Variants in CDH2 observed in about 807,000 individuals in gnomAD.
CDH2 encodes cadherin-2.
A neutral mutation model predicts 92.0 loss-of-function variants in CDH2; 17 were observed. The ratio of observed to expected loss-of-function variants is 0.18; its 90% confidence interval spans 0.13 to 0.28. CDH2 has a LOEUF of 0.28. CDH2 is among the 10% of genes least tolerant of loss of function. The probability of loss-of-function intolerance (pLI) is 1.00; values close to 1 mark genes in which losing one functional copy is unlikely to be tolerated. For missense variants in CDH2, 862 were observed against 1,133.1 expected (o/e 0.76, Z 3.44); for synonymous variants, 419 against 415.9 (o/e 1.01, Z -0.09).
At chr18:28,131,910 G>A (rs1385621831) in intron 2 of CDH2, among the ~76,000 whole-genome samples, 3 of 151,888 alleles carry the variant, frequency 2.0e-5, no homozygotes, top group Non-Finnish European at 2.9e-5. Flanking sequence ...CCAAACTTGT[G>A]TTCACACTCA....
chr18:28,117,955 T>C (rs932170166), intron 2 of CDH2, among the ~76,000 whole-genome samples: 46 of 152,070 alleles, frequency 3.0e-4, no homozygotes, highest in Admixed American at 2.6e-4. Flanking sequence ...TTTTCATATA[T>C]CAGAACTTAA....
At chr18:28,001,828 G>A (rs964370451) in intron 7 of CDH2, among the ~76,000 whole-genome samples, 2 of 152,290 alleles carry the variant, frequency 1.3e-5, no homozygotes, top group Middle Eastern at 3.4e-3. Context: ...CAATAGTAAT[G>A]TTTTCTTCTA....
At chr18:28,093,055 C>T (rs2015065235) in intron 2 of CDH2, among the ~76,000 whole-genome samples, 1 of 152,028 alleles carries the variant, frequency 6.6e-6, no homozygotes, top group South Asian at 2.1e-4. Context: ...AGCGGTTGGA[C>T]ATTTCATAAG....
intron 2 of CDH2, among the ~76,000 whole-genome samples, chr18:28,039,025 A>G (rs1479538525): frequency 6.6e-6 from 1 of 152,170 alleles, no homozygotes; most frequent in Non-Finnish European, 1.5e-5. Flanking sequence ...ATTAATGATA[A>G]TTGAAGGATC....
chr18:28,093,624 A>G (rs2015075190), intron 2 of CDH2, among the ~76,000 whole-genome samples: 1 of 152,190 alleles, frequency 6.6e-6, no homozygotes, highest in Admixed American at 6.5e-5. Flanking sequence ...AAACCAACAA[A>G]AAATTTAGCT....
At chr18:28,091,281 C>T (rs1233012942) in intron 2 of CDH2, among the ~76,000 whole-genome samples, 2 of 152,138 alleles carry the variant, frequency 1.3e-5, no homozygotes, top group African/African-American at 4.8e-5. Flanking sequence ...CCCTCATTTC[C>T]CCCCTCTGTT....
intron 2 of CDH2, among the ~76,000 whole-genome samples, chr18:28,122,098 C>T (rs2015598077): frequency 6.6e-6 from 1 of 152,012 alleles, no homozygotes; most frequent in Non-Finnish European, 1.5e-5. Flanking sequence ...TTTTAGGCTC[C>T]TTTCTCTTCC....
intron 7 of CDH2, among the ~76,000 whole-genome samples, chr18:27,998,073 T>C (rs1395751955): frequency 6.6e-6 from 1 of 152,190 alleles, no homozygotes; most frequent in Non-Finnish European, 1.5e-5. Context: ...CCCAAAGTGC[T>C]GGGATTACAG....
At chr18:27,949,583 G>A (rs778653493), downstream of CDH2, among the ~76,000 whole-genome samples, 2 of 151,810 alleles carry the variant, frequency 1.3e-5, no homozygotes, top group Non-Finnish European at 2.9e-5. Context: ...GTGAAAAAAG[G>A]CAACTTACAG....
At chr18:28,171,120 C>G (rs2016458310) in intron 1 of CDH2, among the ~76,000 whole-genome samples, 1 of 151,518 alleles carries the variant, frequency 6.6e-6, no homozygotes, top group Non-Finnish European at 1.5e-5. Context: ...ATCCCAGCTA[C>G]ACAGGAGGCT....
chr18:27,958,586 T>C (rs1291811432), intron 15 of CDH2, among the ~76,000 whole-genome samples: 4 of 150,306 alleles, frequency 2.7e-5, no homozygotes, highest in Non-Finnish European at 5.9e-5. Context: ...TATATACACA[T>C]ATATAAATAA....
At chr18:28,047,347 A>G (rs1330422570) in intron 2 of CDH2, among the ~76,000 whole-genome samples, 1 of 152,178 alleles carries the variant, frequency 6.6e-6, no homozygotes, top group Admixed American at 6.5e-5. Flanking sequence ...ACATCTGAAG[A>G]TATCTTAAGG....
intron 2 of CDH2, among the ~76,000 whole-genome samples, chr18:28,133,340 C>T (rs12453985): frequency 0.2 from 30,786 of 151,898 alleles, 3,687 homozygotes; most frequent in Non-Finnish European, 0.28. Context: ...TCCGAGCACT[C>T]TGGGAGGCCG....
At chr18:28,159,710 G>A (rs1054700107) in intron 1 of CDH2, among the ~76,000 whole-genome samples, 2 of 150,046 alleles carry the variant, frequency 1.3e-5, no homozygotes, top group African/African-American at 5.0e-5. Flanking sequence ...AGGCTGGAGT[G>A]CAGTGGCGTA....
intron 5 of CDH2, 104 bp from the exon 6 acceptor site, chr18:28,006,097 G>T: frequency 1.1e-6 from 1 of 910,174 alleles, no homozygotes; most frequent in Non-Finnish European, 1.7e-6. Context: ...ACTCACAGCT[G>T]AAAAACAAAA....
chr18:28,058,005 C>T (rs944647081), intron 2 of CDH2, among the ~76,000 whole-genome samples: 3 of 152,122 alleles, frequency 2.0e-5, no homozygotes, highest in Admixed American at 2.0e-4. Context: ...TTTTCAAACC[C>T]ATCATCTTGG....
chr18:28,148,366 T>C (rs951325268), intron 1 of CDH2, among the ~76,000 whole-genome samples: 1 of 152,164 alleles, frequency 6.6e-6, no homozygotes, highest in Non-Finnish European at 1.5e-5. Context: ...AAAATTTAAG[T>C]AAAGATTAAT....
At position 28,044,005 on chromosome 18, in the gene CDH2, C is replaced by A. The variant is rs150567224; in HGVS notation, c.173-30096G>T. On this transcript the variant is annotated intron_variant, in intron 2 of 15. Transcript: ENST00000269141. ...TCAGCTCACTGCAACCTCTGCCTCCCGGGTTCAAGCGATTCTCCTGCCTCA... is the reference window on the plus strand; with the variant it reads ...TCAGCTCACTGCAACCTCTGCCTCCAGGGTTCAAGCGATTCTCCTGCCTCA... Among the ~76,000 whole-genome samples the A allele has an allele frequency of 2.8e-3, 420 of 150,670 alleles. 2 individuals carry two copies. Among genetic ancestry groups the A allele is most frequent in the African/African-American group, 9.8e-3 (401 of 40,962 alleles).
At chr18:28,160,345 AGTGCTGAGGGGCCTCAGCTTGAAC>A (rs1376261503) in intron 1 of CDH2, among the ~76,000 whole-genome samples, 3 of 152,136 alleles carry the variant, frequency 2.0e-5, no homozygotes, top group African/African-American at 7.2e-5. Context: ...GGACTCTGGA[AGTGCTGAGGGGCCTCAGCTTGAAC>A]GTGCTGAGGG....
Sources: gnomAD v4.1 joint callset for allele counts (sites outside exome capture counted in the v4.1 genomes callset) on GRCh38, gnomAD v4.1.1 for gene constraint, MANE v1.5 for transcripts, NCBI Gene and HGNC (gene_info 2026-07-23, HGNC 2026-07-21) for gene names.